Variants in BTD observed in about 807,000 individuals in gnomAD.
The protein encoded by BTD is biotinidase.
BTD carries 13 observed loss-of-function variants against 17.7 expected under a neutral mutation model. That is an observed-to-expected ratio of 0.74 (90% CI 0.48 to 1.17). The LOEUF (loss-of-function observed/expected upper bound fraction) is 1.17. BTD is among the 50% of genes most tolerant of loss of function. The pLI, the probability that BTD is intolerant of heterozygous loss-of-function variation, is 0.00. For synonymous variants in BTD, 240 were observed against 245.2 expected (o/e 0.98, Z 0.20); for missense variants, 674 against 650.4 (o/e 1.04, Z -0.39).
chr3:15,626,294 G>A (rs2065063605), intron 1 of BTD, among the ~76,000 whole-genome samples: 1 of 152,192 alleles, frequency 6.6e-6, no homozygotes. Flanking sequence ...CTGGCTATGG[G>A]TAGCAGTCTC....
At chr3:15,602,957 A>G (rs757765629) in intron 1 of BTD, among the ~76,000 whole-genome samples, 4 of 152,200 alleles carry the variant, frequency 2.6e-5, no homozygotes, top group African/African-American at 4.8e-5. Flanking sequence ...ATCATGGCAG[A>G]AGGTGAAGGA....
chr3:15,623,750 G>A (rs2065006017), intron 1 of BTD, among the ~76,000 whole-genome samples: 1 of 152,164 alleles, frequency 6.6e-6, no homozygotes, highest in Non-Finnish European at 1.5e-5. Context: ...ATGAGATCTG[G>A]TTGTTTAAAA....
chr3:15,635,314 T>A lies in BTD; in HGVS notation c.-16-110T>A. The A allele has an allele frequency of 6.7e-7, 1 of 1,488,972 alleles. No individual in the cohort carries two copies. The highest frequency in any genetic ancestry group is 1.4e-5 in the African/African-American group (1 of 72,744). The allele number at this position is 1,488,972 out of a possible 1,614,324, so 92.2% of individuals were successfully genotyped here. On this transcript the variant is annotated intron_variant, in intron 1 of 3. Coordinates refer to ENST00000643237, the MANE Select transcript of BTD (RefSeq NM_001370658.1). The surrounding 1 kb of genome is among the most constrained non-coding windows in gnomAD (Gnocchi z 4.1). ...GAAACAAACTCTTTGAGCCGCAGTATCACTGCGAGTGAGTTTAATTGCTGG... is the reference window on the plus strand; with the variant it reads ...GAAACAAACTCTTTGAGCCGCAGTAACACTGCGAGTGAGTTTAATTGCTGG...
In BTD at chr3:15,711,281, G is replaced by C. The variant is rs1438704862; in HGVS notation, c.*1207G>C. Reference sequence around the variant, plus strand: ...GGGGTATCTATATCAAATCCTACAAGAATGAATACATCTTATTTATAACAG... The same window carrying C: ...GGGGTATCTATATCAAATCCTACAACAATGAATACATCTTATTTATAACAG... On this transcript the variant is annotated 3_prime_UTR_variant, in exon 4 of 4. Coordinates refer to the BTD transcript ENST00000672141. The C allele has an allele frequency of 3.1e-6, 5 of 1,601,920 alleles. No homozygotes were observed. The Admixed American group carries it at 5.0e-5, about 16-fold the overall frequency.
chr3:15,688,971 G>T (rs1158182630), intron 3 of BTD, among the ~76,000 whole-genome samples: 1 of 152,198 alleles, frequency 6.6e-6, no homozygotes, highest in Non-Finnish European at 1.5e-5. Flanking sequence ...CTACCAGAAA[G>T]AAATAAATAC....
At chr3:15,604,511 C>CA (rs2064384403) in intron 1 of BTD, among the ~76,000 whole-genome samples, 1 of 152,234 alleles carries the variant, frequency 6.6e-6, no homozygotes, top group African/African-American at 2.4e-5. Flanking sequence ...AGGTCTCTGA[C>CA]ATGCCCTGGA....
At chr3:15,638,383 G>A (rs1031100605) in intron 2 of BTD, among the ~76,000 whole-genome samples, 4 of 152,110 alleles carry the variant, frequency 2.6e-5, no homozygotes, top group Non-Finnish European at 4.4e-5. Flanking sequence ...CAGCCCTGAC[G>A]TATTAATACC....
intron 1 of BTD, among the ~76,000 whole-genome samples, chr3:15,634,844 G>T (rs1174701549): frequency 1.3e-5 from 2 of 152,162 alleles, no homozygotes; most frequent in Non-Finnish European, 2.9e-5. Context: ...GCAGTTTCTT[G>T]GCACCAAATA....
chr3:15,611,416 T>C (rs961268035), intron 1 of BTD, among the ~76,000 whole-genome samples: 14 of 152,330 alleles, frequency 9.2e-5, no homozygotes, highest in Admixed American at 2.0e-4. Context: ...GGTTTTATTA[T>C]CAGATTTTTA....
chr3:15,611,681 G>C (rs901328741), intron 1 of BTD, among the ~76,000 whole-genome samples: 1 of 151,848 alleles, frequency 6.6e-6, no homozygotes, highest in African/African-American at 2.4e-5. Context: ...TGGAGGCTGA[G>C]GCACAAGGAT....
intron 2 of BTD, among the ~76,000 whole-genome samples, chr3:15,641,418 G>T (rs930782708): frequency 6.6e-6 from 1 of 152,166 alleles, no homozygotes; most frequent in African/African-American, 2.4e-5. Flanking sequence ...ACTTTGTAGG[G>T]GTGGTCCCGG....
chr3:15,693,327 CAG>C (rs59750718), intron 3 of BTD, among the ~76,000 whole-genome samples: 1,548 of 146,846 alleles, frequency 0.011, no homozygotes, highest in Middle Eastern at 0.01. Context: ...AATGGGGGGG[CAG>C]AGAGAGAGAG....
chr3:15,668,928 A>T (rs1294441687), intron 3 of BTD: 1 of 152,688 alleles, frequency 6.5e-6, no homozygotes, highest in East Asian at 1.9e-4. Context: ...CTCAATGTAT[A>T]TGAAATCATT....
chr3:15,636,429 AG>A (rs1204723404), intron 2 of BTD, among the ~76,000 whole-genome samples: 1 of 152,158 alleles, frequency 6.6e-6, no homozygotes, highest in Non-Finnish European at 1.5e-5. Context: ...GTGGGGACAA[AG>A]GAGAGGCCCC....
chr3:15,715,960 T>C (rs1408073972), downstream of BTD, among the ~76,000 whole-genome samples: 1 of 152,000 alleles, frequency 6.6e-6, no homozygotes, highest in African/African-American at 2.4e-5. Context: ...TAATTTTTAA[T>C]GTTAATATTT....
At chr3:15,690,105 A>G in intron 3 of BTD, 1 of 1,612,296 alleles carries the variant, frequency 6.2e-7, no homozygotes. Context: ...CACACATTCA[A>G]CATGGCCCTT....
At chr3:15,658,054 G>C (rs1294217885), downstream of BTD, among the ~76,000 whole-genome samples, 1 of 151,946 alleles carries the variant, frequency 6.6e-6, no homozygotes, top group Non-Finnish European at 1.5e-5. Context: ...TATAATCCCA[G>C]CTCCTCGGGA....
chr3:15,680,610 ATTC>A (rs2067436518), intron 3 of BTD, among the ~76,000 whole-genome samples: 1 of 152,180 alleles, frequency 6.6e-6, no homozygotes, highest in African/African-American at 2.4e-5. Context: ...GTTTAAAAAA[ATTC>A]TTCATGATAT....
intron 1 of BTD, among the ~76,000 whole-genome samples, chr3:15,629,381 G>T (rs2065146667): frequency 6.6e-6 from 1 of 152,164 alleles, no homozygotes; most frequent in African/African-American, 2.4e-5. Flanking sequence ...AGAGATCTGT[G>T]TGTTCAAGCC....
Sources: gnomAD v4.1 joint callset for allele counts (sites outside exome capture counted in the v4.1 genomes callset) on GRCh38, gnomAD v4.1.1 for gene constraint, Gnocchi (gnomAD v3.1) non-coding constraint, MANE v1.5 for transcripts, NCBI Gene and HGNC (gene_info 2026-07-23, HGNC 2026-07-21) for gene names.